The following CDH13 variants were observed in gnomAD, a reference collection of about 807,000 sequenced individuals.
The protein encoded by CDH13 is cadherin-13.
In CDH13, 24 loss-of-function variants were observed where a neutral mutation model predicts 63.8. That is an observed-to-expected ratio of 0.38 (90% CI 0.27 to 0.53). CDH13 has a LOEUF of 0.53. CDH13 is among the 20% of genes least tolerant of loss of function. The pLI, the probability that CDH13 is intolerant of heterozygous loss-of-function variation, is 0.85. For missense variants in CDH13, 1,049 were observed against 903.1 expected (o/e 1.16, Z -2.07); for synonymous variants, 503 against 355.3 (o/e 1.42, Z -4.67).
chr16:83,401,541 A>G (rs2091968322), intron 6 of CDH13, among the ~76,000 whole-genome samples: 1 of 152,034 alleles, frequency 6.6e-6, no homozygotes, highest in South Asian at 2.1e-4. Flanking sequence ...TAAAATAAAA[A>G]TAATCTGTGG....
chr16:82,818,677 A>C (rs1274441160), intron 1 of CDH13, among the ~76,000 whole-genome samples: 3 of 152,142 alleles, frequency 2.0e-5, no homozygotes, highest in Non-Finnish European at 4.4e-5. Flanking sequence ...ATAGCTGTAG[A>C]AATCGGGCAT....
chr16:82,895,541 C>T (rs1053778778), intron 2 of CDH13, among the ~76,000 whole-genome samples: 3 of 152,146 alleles, frequency 2.0e-5, no homozygotes, highest in African/African-American at 4.8e-5. Flanking sequence ...ACCAAAGATG[C>T]CATGCTTTAT....
intron 2 of CDH13, among the ~76,000 whole-genome samples, chr16:82,995,247 T>C (rs1912073533): frequency 6.6e-6 from 1 of 152,168 alleles, no homozygotes; most frequent in African/African-American, 2.4e-5. Context: ...ATAGTCATCC[T>C]CCGTTTTGCA....
chr16:82,729,561 A>T (rs2033286115), intron 1 of CDH13, among the ~76,000 whole-genome samples: 2 of 152,076 alleles, frequency 1.3e-5, no homozygotes, highest in African/African-American at 4.8e-5. Context: ...CTGTAAACAG[A>T]TGTGCTGTTA....
At chr16:82,844,876 T>G (rs2039194180) in intron 1 of CDH13, 1 of 151,838 alleles carries the variant, frequency 6.6e-6, no homozygotes, top group African/African-American at 2.4e-5. Context: ...AGAATGGTCT[T>G]GATCTCCTGA....
intron 2 of CDH13, among the ~76,000 whole-genome samples, chr16:82,931,770 T>C (rs946845365): frequency 2.0e-5 from 3 of 152,136 alleles, no homozygotes. Context: ...TCAGATCTCA[T>C]GAGACTTATT....
At chr16:82,730,862 G>A (rs2033364354) in intron 1 of CDH13, among the ~76,000 whole-genome samples, 1 of 152,084 alleles carries the variant, frequency 6.6e-6, no homozygotes, top group Non-Finnish European at 1.5e-5. Flanking sequence ...CAAATGTTTT[G>A]TTAAATACAG....
At chr16:83,668,475 C>T (rs1011467384) in intron 8 of CDH13, among the ~76,000 whole-genome samples, 4 of 152,232 alleles carry the variant, frequency 2.6e-5, no homozygotes, top group South Asian at 4.1e-4. Flanking sequence ...CCAGCATCCT[C>T]TAGCCTTAGC....
intron 1 of CDH13, among the ~76,000 whole-genome samples, chr16:82,857,524 T>A (rs2039751309): frequency 6.6e-6 from 1 of 152,136 alleles, no homozygotes; most frequent in South Asian, 2.1e-4. Flanking sequence ...CAGGAGAGAA[T>A]CGTATACATC....
chr16:82,863,547 A>T (rs1253785500), intron 2 of CDH13, among the ~76,000 whole-genome samples: 5 of 152,226 alleles, frequency 3.3e-5, no homozygotes, highest in Non-Finnish European at 5.9e-5. Context: ...GAATTATCTC[A>T]TCTCCAAAAG....
Position 83,217,460 on chromosome 16 carries a change from C to T in CDH13, c.599C>T (p.Thr200Ile), listed in dbSNP as rs1416500959. ...GAGAACACAGGGAGCGTCTCCGTGA[C>T]ACGGACCTTGGACAGAGAAGTAATC... ...INENTGSVSV[T>I]RTLDREVIAV... is the part of the protein sequence containing the mutation. Residue 200 changes from threonine to isoleucine, a missense_variant, in exon 5 of 14, where the codon ACA (threonine) becomes ATA (isoleucine). Thr to Ile is a moderately conservative substitution (Grantham distance 89). Transcript: ENST00000567109. The T allele has an allele frequency of 2.5e-6, 4 of 1,613,882 alleles. No individual in the cohort carries two copies. Among genetic ancestry groups the T allele is most frequent in the Non-Finnish European group, 3.4e-6 (4 of 1,179,804 alleles).
chr16:82,788,256 T>G (rs2036119685), intron 1 of CDH13, among the ~76,000 whole-genome samples: 2 of 152,306 alleles, frequency 1.3e-5, no homozygotes, highest in East Asian at 3.9e-4. Context: ...CAGCCTTGAC[T>G]TGACATGGGA....
chr16:82,989,001 A>T (rs1366722526), intron 2 of CDH13, among the ~76,000 whole-genome samples: 2 of 152,212 alleles, frequency 1.3e-5, no homozygotes, highest in African/African-American at 4.8e-5. Context: ...TGGATATTAG[A>T]TAAATAAATT....
chr16:82,725,496 G>C (rs1418849765), intron 1 of CDH13, among the ~76,000 whole-genome samples: 1 of 152,146 alleles, frequency 6.6e-6, no homozygotes, highest in East Asian at 1.9e-4. Context: ...GAAAAATGGG[G>C]ATGAAAATAG....
At chr16:82,860,425 C>G (rs1443247563) in intron 2 of CDH13, among the ~76,000 whole-genome samples, 1 of 148,106 alleles carries the variant, frequency 6.8e-6, no homozygotes, top group Non-Finnish European at 1.5e-5. Context: ...GTGCTTTAAT[C>G]CCCTAAGTAA....
chr16:83,244,720 A>G (rs1246897092), intron 5 of CDH13, among the ~76,000 whole-genome samples: 1 of 152,194 alleles, frequency 6.6e-6, no homozygotes, highest in Non-Finnish European at 1.5e-5. Flanking sequence ...CACATAGGCA[A>G]TGACCAACAG....
chr16:82,709,944 T>C (rs931332712), intron 1 of CDH13, among the ~76,000 whole-genome samples: 1 of 151,838 alleles, frequency 6.6e-6, no homozygotes, highest in Non-Finnish European at 1.5e-5. Flanking sequence ...GGATGTGAGG[T>C]TGGATAAGCT....
intron 7 of CDH13, among the ~76,000 whole-genome samples, chr16:83,581,325 T>C (rs1429246668): frequency 6.6e-6 from 1 of 152,206 alleles, no homozygotes. Flanking sequence ...TGTCAGAAAT[T>C]AGTCATCAAG....
chr16:83,177,563 A>G (rs1005848211), intron 4 of CDH13, among the ~76,000 whole-genome samples: 1 of 152,212 alleles, frequency 6.6e-6, no homozygotes, highest in Non-Finnish European at 1.5e-5. Context: ...TGAGGATTAA[A>G]TATAAGAAGA....
Sources: allele counts gnomAD v4.1 joint callset (sites outside exome capture counted in the v4.1 genomes callset), GRCh38; gene constraint gnomAD v4.1.1; transcripts MANE v1.5; gene names NCBI Gene and HGNC (gene_info 2026-07-23, HGNC 2026-07-21).